Variants in EHMT1 observed in about 807,000 individuals in gnomAD.
EHMT1 encodes the protein euchromatic histone lysine methyltransferase 1, also known as histone-lysine N-methyltransferase EHMT1.
A neutral mutation model predicts 147.2 loss-of-function variants in EHMT1; 15 were observed. The observed-to-expected ratio is 0.10, with a 90% CI of 0.07 to 0.16. EHMT1 has a LOEUF of 0.16. Among genes scored for constraint, EHMT1 ranks in the 10% least tolerant of loss-of-function variants. The probability of loss-of-function intolerance (pLI) is 1.00; values close to 1 mark genes in which losing one functional copy is unlikely to be tolerated. For synonymous variants in EHMT1, 795 were observed against 709.6 expected (o/e 1.12, Z -1.91); for missense variants, 1,587 against 1,772.4 (o/e 0.90, Z 1.88).
At chr9:137,770,023 G>C (rs972991875) in intron 10 of EHMT1, among the ~76,000 whole-genome samples, 2 of 152,104 alleles carry the variant, frequency 1.3e-5, no homozygotes, top group African/African-American at 4.8e-5. Flanking sequence ...TTTTAGTAGA[G>C]ACAGGGTTTT....
chr9:137,658,094 C>T (rs987932397), intron 1 of EHMT1, among the ~76,000 whole-genome samples: 1 of 152,166 alleles, frequency 6.6e-6, no homozygotes, highest in Non-Finnish European at 1.5e-5. Context: ...CTGTGTGCCA[C>T]GTTTTACCTT....
chr9:137,712,051 C>A (rs1013029554), intron 2 of EHMT1, among the ~76,000 whole-genome samples: 1 of 152,216 alleles, frequency 6.6e-6, no homozygotes, highest in Non-Finnish European at 1.5e-5. Flanking sequence ...TACCCCTAGC[C>A]GGCCCTCCAG....
At position 137,620,493 on chromosome 9, in the gene EHMT1, G is replaced by A. The variant is rs142574648; in HGVS notation, c.21+1444G>A. Reference sequence around the variant, plus strand: ...TGCAGAGGCATGATCACTGCTCACTGCAGCTTCGACCACCCAGGCTCAAAG... The same window carrying A: ...TGCAGAGGCATGATCACTGCTCACTACAGCTTCGACCACCCAGGCTCAAAG... On this transcript the variant is annotated intron_variant, in intron 1 of 26. Coordinates refer to ENST00000460843, the MANE Select transcript of EHMT1 (RefSeq NM_024757.5). Among the ~76,000 whole-genome samples, 3 of 152,274 alleles carry A rather than the reference G, an allele frequency of 2.0e-5. No individual in the cohort carries two copies. In the East Asian group the frequency reaches 5.8e-4, roughly 29 times the overall value.
chr9:137,809,149 C>T (rs1222900359), intron 18 of EHMT1, among the ~76,000 whole-genome samples: 1 of 152,210 alleles, frequency 6.6e-6, no homozygotes, highest in Non-Finnish European at 1.5e-5. Context: ...TTTTAGTTTT[C>T]TCTTTTAGAA....
At chr9:137,658,715 C>G (rs765805420) in intron 1 of EHMT1, among the ~76,000 whole-genome samples, 10 of 151,660 alleles carry the variant, frequency 6.6e-5, no homozygotes, top group Non-Finnish European at 1.0e-4. Flanking sequence ...CAGGCTCAAG[C>G]GATTTTCCCA....
chr9:137,743,103 G>A (rs1564674617), intron 4 of EHMT1: 1 of 441,984 alleles, frequency 2.3e-6, no homozygotes, highest in Non-Finnish European at 4.2e-6. Flanking sequence ...CCTCCAAGGT[G>A]GGGTGATAAT....
chr9:137,675,609 G>C (rs895046831), intron 1 of EHMT1, among the ~76,000 whole-genome samples: 19 of 146,314 alleles, frequency 1.3e-4, no homozygotes, highest in Admixed American at 2.1e-4. Flanking sequence ...GACTACAGGT[G>C]CCGGCCACCA....
intron 1 of EHMT1, among the ~76,000 whole-genome samples, chr9:137,642,037 G>A (rs973959981): frequency 1.3e-5 from 2 of 151,572 alleles, no homozygotes; most frequent in Admixed American, 1.3e-4. Context: ...ACGGAGTTTC[G>A]TCAAGTTGGC....
intron 14 of EHMT1, among the ~76,000 whole-genome samples, chr9:137,781,050 A>G (rs368251907): frequency 1.2e-4 from 15 of 122,780 alleles, no homozygotes; most frequent in South Asian, 2.6e-4. Context: ...GATGACGCCG[A>G]GACGTGTGGT....
At chr9:137,679,306 G>C (rs1009670939) in intron 1 of EHMT1, among the ~76,000 whole-genome samples, 3 of 152,126 alleles carry the variant, frequency 2.0e-5, no homozygotes, top group Admixed American at 2.0e-4. Context: ...GTGGTTGACT[G>C]TGGGTAACTG....
rs1207888450 is a variant in EHMT1 at position 137,828,915 on chromosome 9, C to G, written c.3541-5434C>G. 2.6e-5 allele frequency among the ~76,000 whole-genome samples: 4 copies of G among 152,096 alleles called. No homozygotes were observed. The highest frequency in any genetic ancestry group is 9.7e-5 in the African/African-American group (4 of 41,388). On this transcript the variant is annotated intron_variant, in intron 25 of 26. Coordinates refer to ENST00000460843, the MANE Select transcript of EHMT1 (RefSeq NM_024757.5). The surrounding 1 kb of genome is among the most constrained non-coding windows in gnomAD (Gnocchi z 5.3). ...GGGGCTTGTGGAGCCTGCTAGGAAT[C>G]CTGGGAAGAGCCCAGATGGGCCTGG...
At chr9:137,721,024 AGC>A (rs1945904958) in intron 3 of EHMT1, among the ~76,000 whole-genome samples, 1 of 77,592 alleles carries the variant, frequency 1.3e-5, no homozygotes, top group Non-Finnish European at 3.5e-5. Flanking sequence ...CGTCCTCGCC[AGC>A]GTTAGCTCTT....
At chr9:137,784,130 T>TCG (rs1382757811) in intron 15 of EHMT1, 2 of 1,529,956 alleles carry the variant, frequency 1.3e-6, no homozygotes, top group Non-Finnish European at 1.8e-6. Flanking sequence ...AAGCCCAAGG[T>TCG]CGAGGGGCTG....
rs563383617 is a variant in EHMT1, at chr9:137,759,439, C to T, written c.1501+1428C>T. 1.4e-3 allele frequency among the ~76,000 whole-genome samples: 220 copies of T among 152,246 alleles called. 2 individuals carry two copies. The highest frequency in any genetic ancestry group is 8.2e-4 in the Non-Finnish European group (56 of 68,022). On this transcript the variant is annotated intron_variant, in intron 9 of 26. Transcript: ENST00000460843. ...TTGGGCATGCTGAGTGGCAGGAGAC[C>T]GGGAGCTGGCACATGAAGGCCGTTC...
At chr9:137,745,012 T>G (rs1043005000) in intron 6 of EHMT1, among the ~76,000 whole-genome samples, 2 of 152,230 alleles carry the variant, frequency 1.3e-5, no homozygotes, top group African/African-American at 4.8e-5. Flanking sequence ...AAGTTAAGAA[T>G]CAAGTTGACA....
At chr9:137,627,641 G>C (rs992222830) in intron 1 of EHMT1, among the ~76,000 whole-genome samples, 1 of 151,432 alleles carries the variant, frequency 6.6e-6, no homozygotes, top group Admixed American at 6.6e-5. Context: ...CAGAGGTTCT[G>C]TCTGCTGGTT....
chr9:137,711,119 T>A (rs977727311), intron 2 of EHMT1, 89 bp downstream of exon 2: 1 of 1,380,542 alleles, frequency 7.2e-7, no homozygotes, highest in Non-Finnish European at 9.9e-7. Context: ...AGTCCCCGTC[T>A]TCTGACTTTC....
intron 1 of EHMT1, among the ~76,000 whole-genome samples, chr9:137,684,684 G>A (rs1054283861): frequency 3.9e-5 from 6 of 151,918 alleles, no homozygotes; most frequent in African/African-American, 7.3e-5. Flanking sequence ...GTAGAAACAG[G>A]GTTTTACCAC....
intron 1 of EHMT1, among the ~76,000 whole-genome samples, chr9:137,691,164 C>G (rs916836713): frequency 6.6e-6 from 1 of 152,014 alleles, no homozygotes; most frequent in Non-Finnish European, 1.5e-5. Context: ...CTTGGACTAT[C>G]TAGGGACCTT....
Sources: gnomAD v4.1 joint callset for allele counts (sites outside exome capture counted in the v4.1 genomes callset) on GRCh38, gnomAD v4.1.1 for gene constraint, Gnocchi (gnomAD v3.1) non-coding constraint, MANE v1.5 for transcripts, NCBI Gene and HGNC (gene_info 2026-07-23, HGNC 2026-07-21) for gene names.